The following ECT2L variants were observed in gnomAD, a reference collection of about 807,000 sequenced individuals.
The protein encoded by ECT2L is epithelial cell transforming 2 like, also known as epithelial cell-transforming sequence 2 oncogene-like.
In ECT2L, 126 loss-of-function variants were observed where a neutral mutation model predicts 122.8. That is an observed-to-expected ratio of 1.03 (90% confidence interval 0.89 to 1.19). The LOEUF (loss-of-function observed/expected upper bound fraction) is 1.19. Ranked by LOEUF, ECT2L falls within the 50% of genes most tolerant of loss-of-function variation. The pLI, the probability that ECT2L is intolerant of heterozygous loss-of-function variation, is 0.00. For missense variants in ECT2L, 1,012 were observed against 1,064.1 expected (o/e 0.95, Z 0.68); for synonymous variants, 385 against 381.8 (o/e 1.01, Z -0.10).
At chr6:138,876,110 C>A (rs1305917304) in intron 13 of ECT2L, among the ~76,000 whole-genome samples, 1 of 151,424 alleles carries the variant, frequency 6.6e-6, no homozygotes, top group African/African-American at 2.4e-5. Flanking sequence ...GAGTGAGACT[C>A]CATCTCAAGA....
intron 16 of ECT2L, 96 bp from the exon 17 acceptor site, chr6:138,885,410 T>C: frequency 8.2e-7 from 1 of 1,213,960 alleles, no homozygotes. Flanking sequence ...TGTTGCCCTT[T>C]TGCTTCAGGC....
intron 12 of ECT2L, among the ~76,000 whole-genome samples, chr6:138,867,708 A>G (rs1009249623): frequency 3.0e-4 from 46 of 151,624 alleles, no homozygotes; most frequent in Non-Finnish European, 6.0e-4. Context: ...AGGCACCTGT[A>G]ATCCTAGCTA....
chr6:138,847,839 CGTGT>C (rs1582608508), intron 8 of ECT2L, among the ~76,000 whole-genome samples: 1 of 152,022 alleles, frequency 6.6e-6, no homozygotes. Flanking sequence ...CATTTGTGAG[CGTGT>C]GTATTAGTCT....
chr6:138,896,373 G>A (rs1779212943), intron 20 of ECT2L, among the ~76,000 whole-genome samples: 1 of 151,958 alleles, frequency 6.6e-6, no homozygotes, highest in African/African-American at 2.4e-5. Flanking sequence ...ATTTTCCTTG[G>A]GGAAATATCC....
intron 11 of ECT2L, 54 bp downstream of exon 11, chr6:138,862,773 A>G (rs1777882739): frequency 1.4e-6 from 2 of 1,469,878 alleles, no homozygotes; most frequent in African/African-American, 2.8e-5. Flanking sequence ...CAACTCCAGA[A>G]TCACCAAAAG....
At chr6:138,805,508 T>C (rs1775684738) in intron 1 of ECT2L, among the ~76,000 whole-genome samples, 2 of 152,244 alleles carry the variant, frequency 1.3e-5, no homozygotes, top group Non-Finnish European at 2.9e-5. Context: ...GTGTTATTTT[T>C]CACAATTCTA....
rs1022271694 is a variant in ECT2L, at chr6:138,820,036, C to T, written c.179+5433C>T. On this transcript the variant is annotated intron_variant, in intron 4 of 21. Coordinates refer to ENST00000541398, the MANE Select transcript of ECT2L (RefSeq NM_001077706.3). Reference sequence around the variant, plus strand: ...TTCAATTCCTGCTTACCGGGTTAGACACTGTTGATTACTGGCCCAGCCAAG... The same window carrying T: ...TTCAATTCCTGCTTACCGGGTTAGATACTGTTGATTACTGGCCCAGCCAAG... Among the ~76,000 whole-genome samples the T allele has an allele frequency of 5.9e-5, 9 of 152,194 alleles. 1 individual carries two copies. The East Asian group carries it at 1.7e-3, about 29-fold the overall frequency.
intron 1 of ECT2L, among the ~76,000 whole-genome samples, chr6:138,808,047 C>T (rs773827967): frequency 6.0e-5 from 9 of 150,764 alleles, no homozygotes; most frequent in African/African-American, 1.5e-4. Flanking sequence ...GTCAAACACA[C>T]ACACAGCCAT....
chr6:138,805,712 A>C (rs1775690071), intron 1 of ECT2L, among the ~76,000 whole-genome samples: 1 of 152,170 alleles, frequency 6.6e-6, no homozygotes, highest in Admixed American at 6.5e-5. Context: ...GTCTCTTGTC[A>C]TCCAGTATCC....
chr6:138,852,320 C>T (rs1162207100), intron 9 of ECT2L, among the ~76,000 whole-genome samples: 2 of 151,488 alleles, frequency 1.3e-5, no homozygotes, highest in East Asian at 3.9e-4. Flanking sequence ...AAACAAACCT[C>T]AACGGTTACT....
At chr6:138,842,917 ATAT>A (rs1777091560) in intron 5 of ECT2L, 59 bp from the exon 6 acceptor site, 1 of 1,380,356 alleles carries the variant, frequency 7.2e-7, no homozygotes, top group African/African-American at 1.4e-5. Flanking sequence ...GTACCTGAAA[ATAT>A]TATTGCTAGA....
chr6:138,869,384 T>C (rs567547057), intron 13 of ECT2L, among the ~76,000 whole-genome samples: 16 of 152,334 alleles, frequency 1.1e-4, no homozygotes, highest in African/African-American at 3.8e-4. Context: ...CTCTCTCTCC[T>C]TATTATTGAG....
intron 10 of ECT2L, among the ~76,000 whole-genome samples, chr6:138,856,271 G>A (rs140622612): frequency 6.7e-6 from 1 of 149,496 alleles, no homozygotes; most frequent in African/African-American, 2.5e-5. Flanking sequence ...CTGGAGTGCA[G>A]TGGCGTGATC....
At chr6:138,865,269 A>G (rs1777993441) in intron 12 of ECT2L, 91 bp downstream of exon 12, 1 of 1,297,506 alleles carries the variant, frequency 7.7e-7, no homozygotes. Flanking sequence ...CGCAAGTAAA[A>G]TTTTACTCTT....
chr6:138,869,963 A>G (rs1778190237), intron 13 of ECT2L, among the ~76,000 whole-genome samples: 1 of 152,198 alleles, frequency 6.6e-6, no homozygotes, highest in African/African-American at 2.4e-5. Context: ...ATTGTTGAGA[A>G]CCAAGAGTAC....
chr6:138,824,579 A>C lies in ECT2L; in HGVS notation c.179+9976A>C, dbSNP rs921674794. Among the ~76,000 whole-genome samples the C allele has an allele frequency of 4.1e-5, 4 of 96,626 alleles. 1 individual carries two copies. The highest frequency in any genetic ancestry group is 2.4e-4 in the East Asian group (1 of 4,178). The allele number at this position is 96,626 out of a possible 152,430, so 63.4% of individuals were successfully genotyped here. A position where few individuals can be genotyped will look rare whatever the true frequency, so the allele number is the denominator to read the frequency against. ...ACTATAAAAAAAAACAAAAAACAAA[A>C]ACAAAAAAAACACAAAACAGTGCTT... On this transcript the variant is annotated intron_variant, in intron 4 of 21. Transcript: ENST00000541398.
At chr6:138,864,354 CAT>C (rs1777951926) in intron 11 of ECT2L, among the ~76,000 whole-genome samples, 1 of 152,168 alleles carries the variant, frequency 6.6e-6, no homozygotes, top group South Asian at 2.1e-4. Flanking sequence ...AACCTTTTCA[CAT>C]GTCTATCAGT....
chr6:138,900,777 G>GGGC (rs1210600908), intron 20 of ECT2L, among the ~76,000 whole-genome samples, 171 bp from the exon 21 acceptor site: 1 of 152,134 alleles, frequency 6.6e-6, no homozygotes, highest in Non-Finnish European at 1.5e-5. Flanking sequence ...GACACAGGAG[G>GGGC]GGCGAATCAC....
At chr6:138,877,728 G>GT (rs1778501227) in intron 14 of ECT2L, among the ~76,000 whole-genome samples, 2 of 152,108 alleles carry the variant, frequency 1.3e-5, no homozygotes, top group Admixed American at 1.3e-4. Context: ...AAGCAGAGGA[G>GT]TTTGAGACCA....
Sources: gnomAD v4.1 joint callset for allele counts (sites outside exome capture counted in the v4.1 genomes callset) on GRCh38, gnomAD v4.1.1 for gene constraint, MANE v1.5 for transcripts, NCBI Gene and HGNC (gene_info 2026-07-23, HGNC 2026-07-21) for gene names.